KIAA1549L: variants seen among roughly 807,000 people sequenced by gnomAD.
The protein encoded by KIAA1549L is UPF0606 protein KIAA1549L.
A neutral mutation model predicts 160.7 loss-of-function variants in KIAA1549L; 88 were observed. The ratio of observed to expected loss-of-function variants is 0.55; its 90% CI spans 0.46 to 0.65. KIAA1549L has a LOEUF of 0.65. Ranked by LOEUF, KIAA1549L falls within the 30% of genes least tolerant of loss-of-function variation. The probability of loss-of-function intolerance (pLI) is 0.00; values close to 1 mark genes in which losing one functional copy is unlikely to be tolerated. For missense variants in KIAA1549L, 2,258 were observed against 2,437.5 expected (o/e 0.93, Z 1.55); for synonymous variants, 950 against 976.7 (o/e 0.97, Z 0.51).
At chr11:33,398,254 G>A (rs535506453) in intron 1 of KIAA1549L, among the ~76,000 whole-genome samples, 3 of 148,230 alleles carry the variant, frequency 2.0e-5, no homozygotes, top group African/African-American at 5.0e-5. Flanking sequence ...AACATCATAT[G>A]TTAATATTGT....
chr11:33,483,355 C>T (rs1160808268), intron 1 of KIAA1549L, among the ~76,000 whole-genome samples: 1 of 152,024 alleles, frequency 6.6e-6, no homozygotes, highest in Non-Finnish European at 1.5e-5. Flanking sequence ...TTTGGGAAGG[C>T]GAACCTTGAG....
intron 1 of KIAA1549L, among the ~76,000 whole-genome samples, chr11:33,447,307 G>A (rs1424066096): frequency 6.6e-6 from 1 of 152,112 alleles, no homozygotes; most frequent in Non-Finnish European, 1.5e-5. Flanking sequence ...AGATGATGAT[G>A]TGAGTAATGA....
At chr11:33,403,388 G>GAC (rs1171671322) in intron 1 of KIAA1549L, 9 of 33,228 alleles carry the variant, frequency 2.7e-4, no homozygotes, top group Non-Finnish European at 5.5e-4. Context: ...CACATACAGG[G>GAC]ACACACATGG....
At chr11:33,387,803 C>A (rs983986862) in intron 1 of KIAA1549L, among the ~76,000 whole-genome samples, 1 of 152,150 alleles carries the variant, frequency 6.6e-6, no homozygotes, top group Non-Finnish European at 1.5e-5. Context: ...CCTTCTTCCC[C>A]CATCCCCCGT....
intron 1 of KIAA1549L, among the ~76,000 whole-genome samples, chr11:33,401,112 T>C (rs949520404): frequency 2.0e-5 from 3 of 151,936 alleles, no homozygotes; most frequent in African/African-American, 7.3e-5. Flanking sequence ...ACAGAGGCTT[T>C]TCACATCCGT....
chr11:33,388,875 A>T (rs909497273), intron 1 of KIAA1549L, among the ~76,000 whole-genome samples: 1 of 152,156 alleles, frequency 6.6e-6, no homozygotes. Context: ...ACCACATAGA[A>T]TGGGGATAAA....
chr11:33,666,497 C>A (rs137993595), intron 20 of KIAA1549L, among the ~76,000 whole-genome samples: 3 of 152,212 alleles, frequency 2.0e-5, no homozygotes, highest in East Asian at 1.9e-4. Flanking sequence ...ATACTTCATT[C>A]GCCATAGCAC....
intron 6 of KIAA1549L, 141 bp from the exon 7 acceptor site, chr11:33,559,608 G>C (rs746282076): frequency 1.6e-5 from 11 of 674,394 alleles, no homozygotes; most frequent in Non-Finnish European, 2.3e-5. Context: ...GGTTACTCTT[G>C]TCTGTTCCTT....
intron 1 of KIAA1549L, among the ~76,000 whole-genome samples, chr11:33,469,445 C>A (rs1209032323): frequency 6.6e-6 from 1 of 151,996 alleles, no homozygotes; most frequent in East Asian, 1.9e-4. Context: ...TGAATTTTTT[C>A]CACTTTTTGG....
At chr11:33,438,648 G>A (rs998753487) in intron 1 of KIAA1549L, among the ~76,000 whole-genome samples, 4 of 152,192 alleles carry the variant, frequency 2.6e-5, no homozygotes, top group Non-Finnish European at 4.4e-5. Context: ...AACCTGTGAC[G>A]TCAATTATTT....
At chr11:33,583,147 G>C (rs1004113480) in intron 10 of KIAA1549L, among the ~76,000 whole-genome samples, 191 bp from the exon 11 acceptor site, 3 of 152,318 alleles carry the variant, frequency 2.0e-5, no homozygotes, top group Non-Finnish European at 4.4e-5. Flanking sequence ...AGGAAACTGA[G>C]ACTCAGGGAG....
At chr11:33,562,992 C>G (rs1218724214) in intron 8 of KIAA1549L, among the ~76,000 whole-genome samples, 1 of 151,370 alleles carries the variant, frequency 6.6e-6, no homozygotes, top group Non-Finnish European at 1.5e-5. Flanking sequence ...AACTTCATTA[C>G]CTCTTTAAAG....
chr11:33,654,878 A>T (rs1278066841), intron 17 of KIAA1549L, among the ~76,000 whole-genome samples: 3 of 152,150 alleles, frequency 2.0e-5, no homozygotes, highest in Non-Finnish European at 2.9e-5. Flanking sequence ...CCTTATGAAG[A>T]TGTAGTCTGC....
chr11:33,575,772 A>C (rs1855424929), intron 10 of KIAA1549L, among the ~76,000 whole-genome samples: 1 of 152,154 alleles, frequency 6.6e-6, no homozygotes, highest in Non-Finnish European at 1.5e-5. Flanking sequence ...TTGAAAAATG[A>C]GTTCAGATTG....
intron 1 of KIAA1549L, among the ~76,000 whole-genome samples, chr11:33,494,924 A>G (rs1201177017): frequency 6.6e-6 from 1 of 152,164 alleles, no homozygotes; most frequent in Non-Finnish European, 1.5e-5. Flanking sequence ...ATATTGAAGC[A>G]GAGTGATCTT....
rs202107002 is a variant in KIAA1549L, at chr11:33,542,811, T to C, written c.1248T>C (p.Ala416=). The C allele has an allele frequency of 3.1e-6, 5 of 1,613,918 alleles. No individual in the cohort carries two copies. The South Asian group carries it at 5.5e-5, about 18-fold the overall frequency. ...FKNTETATHE[A]EPPLFQTAES... ...ATACAGAAACAGCGACCCATGAGGC[T>C]GAGCCTCCACTTTTCCAGACTGCAG... The change falls in exon 2 of 21, where the codon GCT becomes GCC. Residue 416 remains alanine (A), a synonymous_variant. Coordinates refer to ENST00000658780, the MANE Select transcript of KIAA1549L (RefSeq NM_012194.3).
chr11:33,382,431 G>A (rs1311599239), intron 1 of KIAA1549L, among the ~76,000 whole-genome samples: 2 of 152,034 alleles, frequency 1.3e-5, no homozygotes, highest in Non-Finnish European at 2.9e-5. Context: ...AACTGCAGAT[G>A]GTTCAAGAGA....
chr11:33,619,655 ATTT>A lies in KIAA1549L; in HGVS notation c.5409+994_5409+996del, dbSNP rs1479309439. On this transcript the variant is annotated intron_variant, in intron 16 of 20. Coordinates refer to ENST00000658780, the MANE Select transcript of KIAA1549L (RefSeq NM_012194.3). Reference sequence around the variant, plus strand: ...TTGAATTTCTAATCACCTTCCTTATATTTAAACTTGATGTTTGTGTTAGTAGTG... The same window carrying A: ...TTGAATTTCTAATCACCTTCCTTATAAAACTTGATGTTTGTGTTAGTAGTG... Among the ~76,000 whole-genome samples, 66 of 152,282 alleles carry A rather than the reference ATTT, an allele frequency of 4.3e-4. 3 individuals are homozygous for A. The East Asian group carries it at 0.012, about 28-fold the overall frequency.
At chr11:33,471,795 A>G (rs535975525) in intron 1 of KIAA1549L, among the ~76,000 whole-genome samples, 8 of 152,182 alleles carry the variant, frequency 5.3e-5, no homozygotes, top group African/African-American at 1.9e-4. Flanking sequence ...TCTGGCATGG[A>G]CTCTGCAGGC....
Sources: allele counts gnomAD v4.1 joint callset (sites outside exome capture counted in the v4.1 genomes callset), GRCh38; gene constraint gnomAD v4.1.1; transcripts MANE v1.5; gene names NCBI Gene and HGNC (gene_info 2026-07-23, HGNC 2026-07-21).